The following PRLR variants were observed in gnomAD, a reference collection of about 807,000 sequenced individuals.
The protein encoded by PRLR is prolactin receptor, also known as hPRL receptor.
Under a neutral mutation model 40.2 loss-of-function variants are expected in PRLR, and 13 were observed. The observed-to-expected ratio is 0.32, with a 90% CI of 0.21 to 0.51. The LOEUF (loss-of-function observed/expected upper bound fraction) is 0.51. Among genes scored for constraint, PRLR ranks in the 20% least tolerant of loss-of-function variants. PRLR has a pLI of 0.97. For missense variants in PRLR, 656 were observed against 747.3 expected, an observed-to-expected ratio of 0.88 and a Z score of 1.42; for synonymous variants, 269 against 278.7, an observed-to-expected ratio of 0.97 and a Z score of 0.35.
chr5:35,160,810 T>C (rs982946979), intron 1 of PRLR, among the ~76,000 whole-genome samples: 2 of 152,154 alleles, frequency 1.3e-5, no homozygotes, highest in African/African-American at 4.8e-5. Context: ...TACGATTTCT[T>C]CTCCGCTTCA....
chr5:35,160,615 TC>T (rs954884322), intron 1 of PRLR, among the ~76,000 whole-genome samples: 46 of 152,264 alleles, frequency 3.0e-4, no homozygotes, highest in African/African-American at 1.1e-3. Context: ...ATATGCAAAT[TC>T]CCCAATTACT....
chr5:35,149,300 T>G (rs1306552101), intron 1 of PRLR, among the ~76,000 whole-genome samples: 1 of 152,180 alleles, frequency 6.6e-6, no homozygotes, highest in Non-Finnish European at 1.5e-5. Flanking sequence ...TTCTTCTGAC[T>G]CAGCCAAATG....
chr5:35,086,466 G>T, intron 3 of PRLR, 126 bp from the exon 4 acceptor site: 2 of 1,185,810 alleles, frequency 1.7e-6, no homozygotes, highest in Non-Finnish European at 2.4e-6. Context: ...AGGAGACCTA[G>T]GGTGGATGCT....
At chr5:35,226,444 TAAAC>T (rs1776550443) in intron 1 of PRLR, among the ~76,000 whole-genome samples, 1 of 152,250 alleles carries the variant, frequency 6.6e-6, no homozygotes, top group South Asian at 2.1e-4. Context: ...ATTGGGAAGA[TAAAC>T]AGAGTATACA....
chr5:35,066,474 G>C (rs536942234), intron 9 of PRLR, among the ~76,000 whole-genome samples: 1 of 152,148 alleles, frequency 6.6e-6, no homozygotes, highest in South Asian at 2.1e-4. Flanking sequence ...GTGGTTGCTG[G>C]CCTGCTAACT....
intron 2 of PRLR, among the ~76,000 whole-genome samples, chr5:35,092,459 G>A (rs754505849): frequency 2.4e-4 from 36 of 152,218 alleles, no homozygotes; most frequent in Non-Finnish European, 4.1e-4. Context: ...GAACACACAA[G>A]GAGATGCTTC....
rs139384771 is a variant in PRLR at position 35,176,167 on chromosome 5, A to G, written c.-106+54101T>C. Among the ~76,000 whole-genome samples the G allele has an allele frequency of 7.1e-3, 1,084 of 151,980 alleles. 11 individuals are homozygous for G. Among genetic ancestry groups the G allele is most frequent in the Middle Eastern group, 0.024 (7 of 294 alleles). On this transcript the variant is annotated intron_variant, in intron 1 of 9. Coordinates refer to ENST00000618457, the MANE Select transcript of PRLR (RefSeq NM_000949.7). ...CTTGTTATCATCTATTTGTCTCCCA[A>G]TTTTCTGTGACTCATTCATCTCTTT... is the stretch of plus-strand genomic sequence containing the variant.
At chr5:35,110,993 C>T (rs922707252) in intron 2 of PRLR, among the ~76,000 whole-genome samples, 1 of 152,134 alleles carries the variant, frequency 6.6e-6, no homozygotes, top group South Asian at 2.1e-4. Context: ...TTTCTCTGTA[C>T]CCCCACCCCA....
chr5:35,128,948 T>A (rs1450330333), intron 1 of PRLR, among the ~76,000 whole-genome samples: 3 of 152,296 alleles, frequency 2.0e-5, no homozygotes, highest in East Asian at 3.9e-4. Flanking sequence ...TTCCCTCTTT[T>A]TCCTTTCAAC....
In PRLR at chr5:35,060,425, C is replaced by A. The variant is rs1170718480; in HGVS notation, c.*4664G>T. On this transcript the variant is annotated 3_prime_UTR_variant, in exon 10 of 10. Coordinates refer to ENST00000618457, the MANE Select transcript of PRLR (RefSeq NM_000949.7). ...GTTGTCACACAATCTCATGTGCTCA[C>A]TGCTTCAGGCCAAGGGTGTGTCAGC... is the stretch of plus-strand genomic sequence containing the variant. The A allele has an allele frequency of 2.0e-5, 3 of 152,228 alleles. No homozygotes were observed. The highest frequency in any genetic ancestry group is 7.2e-5 in the African/African-American group (3 of 41,462). The allele number at this position is 152,228 out of a possible 1,614,324, so 9.4% of individuals were successfully genotyped here.
intron 3 of PRLR, among the ~76,000 whole-genome samples, chr5:35,087,098 A>G (rs1379508638): frequency 3.9e-5 from 6 of 151,968 alleles, no homozygotes; most frequent in Non-Finnish European, 7.4e-5. Context: ...GGTTCAAGCA[A>G]TTCTGCCTCA....
At chr5:35,150,733 G>A (rs375353167) in intron 1 of PRLR, among the ~76,000 whole-genome samples, 9 of 152,120 alleles carry the variant, frequency 5.9e-5, no homozygotes, top group African/African-American at 2.2e-4. Flanking sequence ...CCATAAAATG[G>A]GACCATAGGA....
chr5:35,136,601 C>A (rs992998320), intron 1 of PRLR, among the ~76,000 whole-genome samples: 1 of 152,156 alleles, frequency 6.6e-6, no homozygotes, highest in African/African-American at 2.4e-5. Flanking sequence ...GAAGACTCAT[C>A]AACTGCAGCT....
intron 2 of PRLR, among the ~76,000 whole-genome samples, chr5:35,109,098 C>G (rs1460194141): frequency 3.9e-5 from 6 of 152,074 alleles, no homozygotes; most frequent in Non-Finnish European, 5.9e-5. Flanking sequence ...ACAAACCTGA[C>G]AAAAACAAGA....
chr5:35,187,736 C>A (rs1775485852), intron 1 of PRLR, among the ~76,000 whole-genome samples: 1 of 152,190 alleles, frequency 6.6e-6, no homozygotes, highest in Admixed American at 6.5e-5. Flanking sequence ...AGCCGCATAG[C>A]TTTGGGGCAG....
At chr5:35,154,032 C>T (rs908035884) in intron 1 of PRLR, among the ~76,000 whole-genome samples, 2 of 152,180 alleles carry the variant, frequency 1.3e-5, no homozygotes, top group Admixed American at 6.5e-5. Context: ...ATAATTTTCT[C>T]AGATCCCAGA....
chr5:35,110,280 G>T (rs969871684), intron 2 of PRLR, among the ~76,000 whole-genome samples: 3 of 152,072 alleles, frequency 2.0e-5, no homozygotes, highest in Non-Finnish European at 4.4e-5. Flanking sequence ...GGGTTAATGG[G>T]TGCAGCACAC....
intron 2 of PRLR, among the ~76,000 whole-genome samples, chr5:35,090,987 T>A (rs6875116): frequency 0.044 from 6,714 of 151,860 alleles, 480 homozygotes; most frequent in African/African-American, 0.15. Context: ...ATTTTTTTTG[T>A]ATTTTTAGTA....
intron 1 of PRLR, among the ~76,000 whole-genome samples, chr5:35,149,875 T>G (rs1198479496): frequency 1.3e-5 from 2 of 151,988 alleles, no homozygotes; most frequent in Admixed American, 6.6e-5. Flanking sequence ...TTTTTTTTTC[T>G]GAGACAGAGT....
Sources: gnomAD v4.1 joint callset for allele counts (sites outside exome capture counted in the v4.1 genomes callset) on GRCh38, gnomAD v4.1.1 for gene constraint, MANE v1.5 for transcripts, NCBI Gene and HGNC (gene_info 2026-07-23, HGNC 2026-07-21) for gene names.